The following CHMP4C variants were observed in gnomAD, a reference collection of about 807,000 sequenced individuals.
The protein encoded by CHMP4C is charged multivesicular body protein 4C, also known as SNF7 homolog associated with Alix 3.
Under a neutral mutation model 29.0 loss-of-function variants are expected in CHMP4C, and 28 were observed. The ratio of observed to expected loss-of-function variants is 0.97; its 90% CI spans 0.72 to 1.32. The LOEUF (loss-of-function observed/expected upper bound fraction) is 1.32. Among genes scored for constraint, CHMP4C ranks in the 40% most tolerant of loss-of-function variants. The pLI, the probability that CHMP4C is intolerant of heterozygous loss-of-function variation, is 0.00. For synonymous variants in CHMP4C, 106 were observed against 102.4 expected (o/e 1.04, Z -0.21); for missense variants, 291 against 281.0 (o/e 1.04, Z -0.25).
At chr8:81,757,681 G>A (rs1358703838) in intron 3 of CHMP4C, among the ~76,000 whole-genome samples, 3 of 152,162 alleles carry the variant, frequency 2.0e-5, no homozygotes, top group South Asian at 4.1e-4. Context: ...TTTGATAAAA[G>A]AACCATAGTA....
intron 1 of CHMP4C, chr8:81,733,039 A>C: frequency 2.4e-6 from 1 of 410,206 alleles, no homozygotes; most frequent in Middle Eastern, 6.5e-4. Context: ...AGTAATCAAG[A>C]TGAACAATAC....
intron 1 of CHMP4C, among the ~76,000 whole-genome samples, chr8:81,749,091 C>G (rs904595702): frequency 6.6e-6 from 1 of 152,090 alleles, no homozygotes; most frequent in Non-Finnish European, 1.5e-5. Flanking sequence ...ATCACTATTT[C>G]CAGAACAGCA....
chr8:81,758,192 G>A lies in CHMP4C; in HGVS notation c.534G>A (p.Lys178=). 6.2e-7 allele frequency: 1 copy of A among 1,613,866 alleles called. No homozygotes were observed. Among genetic ancestry groups the A allele is most frequent in the Non-Finnish European group, 8.5e-7 (1 of 1,179,854 alleles). Reference sequence around the variant, plus strand: ...AATTGGAACAGGAGGAATTAAATAAGAAGATGACAAATATCCGCCTTCCAA... The same window carrying A: ...AATTGGAACAGGAGGAATTAAATAAAAAGATGACAAATATCCGCCTTCCAA... ...LEELEQEELN[K]KMTNIRLPNV... is the part of the protein sequence containing the mutation. Residue 178 remains lysine, a synonymous_variant, in exon 4 of 5, where the codon AAG becomes AAA. Transcript: ENST00000297265.
At chr8:81,740,179 C>G (rs1408920307) in intron 1 of CHMP4C, among the ~76,000 whole-genome samples, 1 of 152,194 alleles carries the variant, frequency 6.6e-6, no homozygotes, top group African/African-American at 2.4e-5. Flanking sequence ...TTCAGGATGG[C>G]CTTTGCATGA....
chr8:81,746,832 C>T (rs994100234), intron 1 of CHMP4C, among the ~76,000 whole-genome samples: 5 of 152,320 alleles, frequency 3.3e-5, no homozygotes, highest in Non-Finnish European at 5.9e-5. Context: ...GGTTCAGTGT[C>T]ATACCATGAG....
At chr8:81,747,736 A>G (rs1293185871) in intron 1 of CHMP4C, among the ~76,000 whole-genome samples, 1 of 152,070 alleles carries the variant, frequency 6.6e-6, no homozygotes, top group Non-Finnish European at 1.5e-5. Context: ...CGTTGGTAGG[A>G]TAGGTGTGGG....
At chr8:81,757,622 A>G (rs2130499623) in intron 3 of CHMP4C, among the ~76,000 whole-genome samples, 1 of 152,334 alleles carries the variant, frequency 6.6e-6, no homozygotes, top group South Asian at 2.1e-4. Context: ...TCTTGAATTG[A>G]ACTTTTCTTA....
chr8:81,752,862 G>A (rs1808921839), intron 1 of CHMP4C, among the ~76,000 whole-genome samples: 1 of 152,132 alleles, frequency 6.6e-6, no homozygotes, highest in South Asian at 2.1e-4. Flanking sequence ...TGGAAGAAAA[G>A]AATAATAAAA....
At chr8:81,757,521 G>C (rs574980583) in intron 3 of CHMP4C, among the ~76,000 whole-genome samples, 1 of 152,144 alleles carries the variant, frequency 6.6e-6, no homozygotes, top group Non-Finnish European at 1.5e-5. Flanking sequence ...AACTAGCCTT[G>C]TCTCTCAAAA....
intron 1 of CHMP4C, among the ~76,000 whole-genome samples, chr8:81,744,766 T>A (rs1256014413): frequency 6.6e-6 from 1 of 152,160 alleles, no homozygotes; most frequent in Non-Finnish European, 1.5e-5. Flanking sequence ...GATTGCCCAT[T>A]TCATATTTTG....
At chr8:81,749,932 G>A (rs1243831440) in intron 1 of CHMP4C, among the ~76,000 whole-genome samples, 1 of 152,194 alleles carries the variant, frequency 6.6e-6, no homozygotes, top group African/African-American at 2.4e-5. Flanking sequence ...CTAGAGATGT[G>A]TGGAATTTTG....
intron 1 of CHMP4C, among the ~76,000 whole-genome samples, chr8:81,748,910 A>G (rs567615009): frequency 7.2e-5 from 10 of 138,436 alleles, no homozygotes; most frequent in African/African-American, 2.7e-4. Flanking sequence ...CTGGTGACAG[A>G]GTGAGACTCT....
chr8:81,755,864 T>C (rs2130497392), intron 3 of CHMP4C, among the ~76,000 whole-genome samples: 1 of 152,300 alleles, frequency 6.6e-6, no homozygotes, highest in East Asian at 1.9e-4. Context: ...GCTGTTAAAT[T>C]AGAGGTTAGG....
At chr8:81,740,899 G>A (rs1374974628) in intron 1 of CHMP4C, among the ~76,000 whole-genome samples, 2 of 152,158 alleles carry the variant, frequency 1.3e-5, no homozygotes, top group African/African-American at 4.8e-5. Context: ...TGTAATGCTT[G>A]GAGGCTAGTG....
intron 3 of CHMP4C, 101 bp from the exon 4 acceptor site, chr8:81,758,041 C>A: frequency 9.8e-7 from 1 of 1,023,986 alleles, no homozygotes; most frequent in Non-Finnish European, 1.5e-6. Flanking sequence ...TCACTGGGTT[C>A]TCACATATCA....
At chr8:81,746,244 A>C (rs1808821193) in intron 1 of CHMP4C, among the ~76,000 whole-genome samples, 1 of 152,218 alleles carries the variant, frequency 6.6e-6, no homozygotes, top group Non-Finnish European at 1.5e-5. Context: ...TTTCATTCAC[A>C]CAGGTTTTTA....
intron 1 of CHMP4C, among the ~76,000 whole-genome samples, chr8:81,745,383 G>C (rs1447251586): frequency 1.3e-5 from 2 of 152,154 alleles, no homozygotes; most frequent in African/African-American, 4.8e-5. Context: ...CACTGGATAT[G>C]ATGGTTCCTA....
In CHMP4C at chr8:81,759,393, A is replaced by G. The variant is rs1348992098; in HGVS notation, c.*849A>G. The stretch of plus-strand genomic sequence containing the variant: ...TATGATGCTGTTACAGCTTCAGTGT[A>G]TAAATGCATGAGTATTCTTTCTGTT... On this transcript the variant is annotated 3_prime_UTR_variant, in exon 5 of 5. Transcript: ENST00000297265. 1 of 152,266 alleles carries G rather than the reference A, an allele frequency of 6.6e-6. No individual in the cohort carries two copies. The highest frequency in any genetic ancestry group is 1.5e-5 in the Non-Finnish European group (1 of 68,028). 9.4% of individuals were successfully genotyped at this position (152,266 alleles called of 1,614,324 possible). A position where few individuals can be genotyped will look rare whatever the true frequency, so the allele number is the denominator to read the frequency against.
At position 81,757,191 on chromosome 8, in the gene CHMP4C, T is replaced by C. The variant is rs537247313; in HGVS notation, c.484-951T>C. On this transcript the variant is annotated intron_variant, in intron 3 of 4. Coordinates refer to ENST00000297265, the MANE Select transcript of CHMP4C (RefSeq NM_152284.4). ...CTCCTTGAATATAGGGAGTGTTGAT[T>C]CAACTTTGCATCCCAGCACTGAGTT... is the stretch of plus-strand genomic sequence containing the variant. Among the ~76,000 whole-genome samples the C allele has an allele frequency of 2.6e-5, 4 of 152,296 alleles. No individual in the cohort carries two copies. In the South Asian group the frequency reaches 8.3e-4, roughly 32 times the overall value.
Sources: gnomAD v4.1 joint callset for allele counts (sites outside exome capture counted in the v4.1 genomes callset) on GRCh38, gnomAD v4.1.1 for gene constraint, MANE v1.5 for transcripts, NCBI Gene and HGNC (gene_info 2026-07-23, HGNC 2026-07-21) for gene names.